The following CDH19 variants were observed in gnomAD, a reference collection of about 807,000 sequenced individuals.
The protein encoded by CDH19 is cadherin 19.
A neutral mutation model predicts 64.2 loss-of-function variants in CDH19; 67 were observed. The observed-to-expected ratio is 1.04, with a 90% CI of 0.86 to 1.28. The LOEUF is 1.28. Ranked by LOEUF, CDH19 falls within the 50% of genes most tolerant of loss-of-function variation. The pLI is 0.00. For missense variants in CDH19, 1,030 were observed against 929.0 expected (o/e 1.11, Z -1.41); for synonymous variants, 346 against 319.3 (o/e 1.08, Z -0.89).
chr18:66,508,227 G>T (rs1393834749), intron 11 of CDH19, among the ~76,000 whole-genome samples: 1 of 151,888 alleles, frequency 6.6e-6, no homozygotes, highest in Non-Finnish European at 1.5e-5. Flanking sequence ...GAGTAGAATG[G>T]TAGTAGCAGG....
chr18:66,596,079 T>C (rs1988879813), intron 1 of CDH19: 1 of 152,036 alleles, frequency 6.6e-6, no homozygotes, highest in African/African-American at 2.4e-5. Context: ...ATCATGTCCA[T>C]ACACACAGAA....
chr18:66,591,316 TG>T (rs1253297118), intron 1 of CDH19, among the ~76,000 whole-genome samples: 1 of 151,968 alleles, frequency 6.6e-6, no homozygotes, highest in East Asian at 1.9e-4. Context: ...AATCAGTTCC[TG>T]GAGTGCATAA....
At chr18:66,508,715 G>T (rs376506019) in intron 11 of CDH19, among the ~76,000 whole-genome samples, 2 of 149,968 alleles carry the variant, frequency 1.3e-5, no homozygotes, top group East Asian at 2.0e-4. Context: ...CTGTTACATT[G>T]TATATGTGTC....
chr18:66,575,055 G>C (rs1218146975), intron 1 of CDH19, among the ~76,000 whole-genome samples: 1 of 151,818 alleles, frequency 6.6e-6, no homozygotes, highest in Admixed American at 6.6e-5. Flanking sequence ...TAGACACTTA[G>C]TGCAATAGTA....
At chr18:66,509,334 A>G in intron 10 of CDH19, 88 bp from the exon 11 acceptor site, 1 of 1,129,948 alleles carries the variant, frequency 8.8e-7, no homozygotes, top group Non-Finnish European at 1.3e-6. Context: ...ACAATAGTAT[A>G]GAGATATGAT....
intron 1 of CDH19, among the ~76,000 whole-genome samples, chr18:66,589,626 A>G (rs1988684105): frequency 6.6e-6 from 1 of 151,400 alleles, no homozygotes; most frequent in African/African-American, 2.4e-5. Flanking sequence ...CAAAAATAAT[A>G]CTTAGTAAGC....
At position 66,554,467 on chromosome 18, in the gene CDH19, T is replaced by G; in HGVS notation, c.548A>C (p.Asn183Thr). ...SDADDPSSGNNARLLYSLLQG... is the reference protein window; with the variant it reads ...SDADDPSSGNTARLLYSLLQG... ...AAGTAAGCTGTAGAGGAGACGAGCA[T>G]TATTACCACTTGAGGGATCGTCAGC... is the stretch of plus-strand genomic sequence containing the variant. Residue 183 changes from asparagine (N) to threonine (T), a missense_variant, in exon 4 of 12, where the codon AAT becomes ACT. Physicochemically the swap from Asn to Thr is moderately conservative, Grantham distance 65. Transcript: ENST00000262150. The G allele has an allele frequency of 6.2e-7, 1 of 1,611,236 alleles. No individual in the cohort carries two copies. The highest frequency in any genetic ancestry group is 8.5e-7 in the Non-Finnish European group (1 of 1,177,952).
At chr18:66,548,933 TG>T (rs1987240310) in intron 5 of CDH19, among the ~76,000 whole-genome samples, 1 of 152,158 alleles carries the variant, frequency 6.6e-6, no homozygotes, top group South Asian at 2.1e-4. Flanking sequence ...CAGAGGACGC[TG>T]TTCACACAAG....
intron 1 of CDH19, among the ~76,000 whole-genome samples, chr18:66,583,564 C>T (rs775999714): frequency 2.0e-5 from 3 of 152,020 alleles, no homozygotes; most frequent in Non-Finnish European, 4.4e-5. Context: ...CACCATTTAG[C>T]TCCCACTTAT....
intron 9 of CDH19, among the ~76,000 whole-genome samples, chr18:66,519,286 G>A (rs1181684092): frequency 6.6e-6 from 1 of 152,138 alleles, no homozygotes; most frequent in Admixed American, 6.5e-5. Flanking sequence ...AATTGTCACT[G>A]TTAATATTAA....
rs989685130 is a variant in CDH19, at chr18:66,505,543, TTATTAATATATA to T, written c.1829-253_1829-242del. 9.7e-5 allele frequency among the ~76,000 whole-genome samples: 14 copies of T among 143,894 alleles called. No homozygotes were observed. In the East Asian group the frequency reaches 1.3e-3, roughly 13 times the overall value. The allele number at this position is 143,894 out of a possible 152,430, so 94.4% of individuals were successfully genotyped here. A position where few individuals can be genotyped will look rare whatever the true frequency, so the allele number is the denominator to read the frequency against. ...ACCATAAAAATATAGTGAACTATAT[TTATTAATATATA>T]TATTAATATATATATAATATAATAT... On this transcript the variant is annotated intron_variant, in intron 11 of 11. Transcript: ENST00000262150.
intron 5 of CDH19, among the ~76,000 whole-genome samples, chr18:66,547,361 T>G (rs1987154867): frequency 6.6e-6 from 1 of 151,988 alleles, no homozygotes; most frequent in Admixed American, 6.6e-5. Flanking sequence ...TATGTGTGTG[T>G]TTTGTGTATG....
At chr18:66,527,814 A>G (rs1009060705) in intron 9 of CDH19, among the ~76,000 whole-genome samples, 3 of 152,036 alleles carry the variant, frequency 2.0e-5, no homozygotes, top group Non-Finnish European at 2.9e-5. Flanking sequence ...TGGGACATTT[A>G]CAGAAATAGG....
chr18:66,590,852 T>C (rs1335551907), intron 1 of CDH19, among the ~76,000 whole-genome samples: 1 of 152,150 alleles, frequency 6.6e-6, no homozygotes, highest in African/African-American at 2.4e-5. Flanking sequence ...CAGACTTCCT[T>C]GTAAGATGAA....
In CDH19 at chr18:66,548,268, TAA is replaced by T. The variant is rs372768193; in HGVS notation, c.775+2824_775+2825del. Among the ~76,000 whole-genome samples the T allele has an allele frequency of 1.9e-4, 28 of 146,070 alleles. 1 individual carries two copies. The highest frequency in any genetic ancestry group is 7.0e-4 in the African/African-American group (28 of 40,078). On this transcript the variant is annotated intron_variant, in intron 5 of 11. Coordinates refer to ENST00000262150, the MANE Select transcript of CDH19 (RefSeq NM_021153.4). Reference sequence around the variant, plus strand: ...CTTTATATATATATATATATTTTTTTAAAAATATATAATATATGAAGTTGATG... The same window carrying T: ...CTTTATATATATATATATATTTTTTTAAATATATAATATATGAAGTTGATG...
intron 9 of CDH19, among the ~76,000 whole-genome samples, chr18:66,517,770 T>G (rs909045808): frequency 2.0e-5 from 3 of 152,004 alleles, no homozygotes; most frequent in African/African-American, 7.2e-5. Context: ...TATAAAATAT[T>G]TAATATTCTG....
chr18:66,515,573 CTA>C (rs1985701014), intron 9 of CDH19, among the ~76,000 whole-genome samples: 1 of 151,594 alleles, frequency 6.6e-6, no homozygotes, highest in Non-Finnish European at 1.5e-5. Flanking sequence ...TGAGGATACT[CTA>C]AGTTTTCTAA....
intron 3 of CDH19, among the ~76,000 whole-genome samples, chr18:66,560,358 A>T (rs1053785776): frequency 6.6e-6 from 1 of 151,978 alleles, no homozygotes; most frequent in Non-Finnish European, 1.5e-5. Context: ...GGTCAGCTTG[A>T]TATCTCCATT....
chr18:66,504,600 T>C lies in CDH19; in HGVS notation c.*212A>G, dbSNP rs1985089873. 7 of 467,016 alleles carry C rather than the reference T, an allele frequency of 1.5e-5. No homozygotes were observed. In the East Asian group the frequency reaches 1.8e-4, roughly 12 times the overall value. 28.9% of individuals were successfully genotyped at this position (467,016 alleles called of 1,614,324 possible). A position where few individuals can be genotyped will look rare whatever the true frequency, so the allele number is the denominator to read the frequency against. On this transcript the variant is annotated 3_prime_UTR_variant, in exon 12 of 12. Transcript: ENST00000262150. ...TCAAATCTGGTTGTATTGATGCCTG[T>C]GAGCTGATTGTTTACATTTCTCCCC...
Sources: allele counts gnomAD v4.1 joint callset (sites outside exome capture counted in the v4.1 genomes callset), GRCh38; gene constraint gnomAD v4.1.1; transcripts MANE v1.5; gene names NCBI Gene and HGNC (gene_info 2026-07-23, HGNC 2026-07-21).